Variants in ANXA6 observed in about 807,000 individuals in gnomAD.
The protein encoded by ANXA6 is 67 kDa calelectrin.
Under a neutral mutation model 95.4 loss-of-function variants are expected in ANXA6, and 71 were observed. The observed-to-expected ratio is 0.74, with a 90% CI of 0.61 to 0.91. The LOEUF (loss-of-function observed/expected upper bound fraction) is 0.91. ANXA6 is among the 40% of genes least tolerant of loss of function. ANXA6 has a pLI of 0.00. For synonymous variants in ANXA6, 289 were observed against 315.9 expected (o/e 0.91, Z 0.90); for missense variants, 830 against 876.4 (o/e 0.95, Z 0.67).
intron 14 of ANXA6, 67 bp downstream of exon 14, chr5:151,126,335 G>A: frequency 7.1e-7 from 1 of 1,406,832 alleles, no homozygotes; most frequent in African/African-American, 1.4e-5. Flanking sequence ...GCCAACCAGA[G>A]CAGCAGGAAG....
chr5:151,137,000 ATC>A (rs1248762864), intron 6 of ANXA6, among the ~76,000 whole-genome samples: 4 of 152,178 alleles, frequency 2.6e-5, no homozygotes, highest in African/African-American at 9.7e-5. Flanking sequence ...CTCCTTCATT[ATC>A]TCATTATCTC....
intron 2 of ANXA6, among the ~76,000 whole-genome samples, chr5:151,145,524 G>T (rs1048043877): frequency 6.6e-6 from 1 of 152,172 alleles, no homozygotes; most frequent in Admixed American, 6.5e-5. Context: ...TCCAAAAGGA[G>T]AGATAGGGAG....
chr5:151,130,914 T>C (rs1765493027), intron 11 of ANXA6, among the ~76,000 whole-genome samples: 1 of 152,246 alleles, frequency 6.6e-6, no homozygotes. Flanking sequence ...CTTGCCTACA[T>C]ACGCTGTATA....
In ANXA6 at chr5:151,117,740, G is replaced by A. The variant is rs1765043032; in HGVS notation, c.1518+18C>T. 7.5e-6 allele frequency: 12 copies of A among 1,610,374 alleles called. No individual in the cohort carries two copies. The highest frequency in any genetic ancestry group is 2.2e-5 in the South Asian group (2 of 90,756). ...CTCCCGATGGGCAAGCCGACCTGGG[G>A]CCCATGAATTCACTCACCGTGGCCA... On this transcript the variant is annotated intron_variant, in intron 19 of 25. Transcript: ENST00000354546.
Position 151,109,863 on chromosome 5 carries a change from G to A in ANXA6, c.1591-17C>T. 2 of 1,564,192 alleles carry A rather than the reference G, an allele frequency of 1.3e-6. No individual in the cohort carries two copies. The highest frequency in any genetic ancestry group is 8.7e-7 in the Non-Finnish European group (1 of 1,144,976). On this transcript the variant is annotated splice_polypyrimidine_tract_variant and intron_variant, in intron 21 of 25. Transcript: ENST00000354546. ...TGCTATTTCCTGCAGAGCCCCAGTT[G>A]GAGCAAGGATTTGGGAGGGGAGACA...
At chr5:151,137,963 C>G (rs1004353836) in intron 5 of ANXA6, among the ~76,000 whole-genome samples, 1 of 152,172 alleles carries the variant, frequency 6.6e-6, no homozygotes, top group African/African-American at 2.4e-5. Flanking sequence ...TCTTTTTGGG[C>G]CTCAGTTTTC....
chr5:151,111,029 A>C (rs1440639685), intron 20 of ANXA6, among the ~76,000 whole-genome samples: 2 of 152,152 alleles, frequency 1.3e-5, no homozygotes, highest in Non-Finnish European at 2.9e-5. Context: ...AGAACCACTG[A>C]GATGTAAATG....
At chr5:151,133,386 C>T (rs1397410329) in intron 8 of ANXA6, 199 bp from the exon 9 acceptor site, 1 of 553,148 alleles carries the variant, frequency 1.8e-6, no homozygotes, top group East Asian at 3.0e-5. Flanking sequence ...GGCGACTTTG[C>T]CATTGTGTGA....
At chr5:151,134,522 C>T (rs1367063363) in intron 7 of ANXA6, 39 bp from the exon 8 acceptor site, 1 of 1,610,808 alleles carries the variant, frequency 6.2e-7, no homozygotes, top group Admixed American at 1.7e-5. Context: ...TCAAACACTG[C>T]AAAGTCAGGA....
At chr5:151,144,949 G>A (rs1351632056) in intron 2 of ANXA6, among the ~76,000 whole-genome samples, 5 of 152,072 alleles carry the variant, frequency 3.3e-5, no homozygotes, top group Non-Finnish European at 7.4e-5. Flanking sequence ...TTCCCACCGT[G>A]TCATTCTCAC....
intron 12 of ANXA6, among the ~76,000 whole-genome samples, chr5:151,128,833 C>T (rs1328665628): frequency 6.6e-6 from 1 of 151,652 alleles, no homozygotes; most frequent in African/African-American, 2.4e-5. Flanking sequence ...CTTATTTTCC[C>T]ATAGAACATT....
chr5:151,132,516 C>T lies in ANXA6; in HGVS notation c.696G>A (p.Gly232=), dbSNP rs937887243. The change falls in exon 10 of 26, where the codon GGG becomes GGA. Residue 232 remains glycine (G), a synonymous_variant. Transcript: ENST00000354546. ...GCTTCTCAAAGTCCCCAGACAGCTC[C>T]CCTCGGATGCTGGCTTCAATCGGCT... ...TGKPIEASIR[G]ELSGDFEKLM... 32 of 1,613,352 alleles carry T rather than the reference C, an allele frequency of 2.0e-5. No individual in the cohort carries two copies. Among genetic ancestry groups the T allele is most frequent in the Non-Finnish European group, 2.6e-5 (31 of 1,179,764 alleles).
At chr5:151,128,094 A>G (rs1359078664) in intron 13 of ANXA6, 87 bp downstream of exon 13, 45 of 1,176,506 alleles carry the variant, frequency 3.8e-5, no homozygotes, top group Non-Finnish European at 5.3e-5. Flanking sequence ...AGCTCATCCA[A>G]TCCACCCATC....
intron 1 of ANXA6, among the ~76,000 whole-genome samples, chr5:151,154,466 A>G (rs1766185606): frequency 6.6e-6 from 1 of 152,130 alleles, no homozygotes; most frequent in Non-Finnish European, 1.5e-5. Flanking sequence ...CCCCCAAAAG[A>G]TCATCTTCAG....
intron 18 of ANXA6, among the ~76,000 whole-genome samples, chr5:151,118,093 G>A (rs374647326): frequency 1.8e-4 from 27 of 151,980 alleles, no homozygotes; most frequent in East Asian, 5.8e-4. Flanking sequence ...ATTGCATCTC[G>A]CCTTTAATAT....
intron 1 of ANXA6, among the ~76,000 whole-genome samples, chr5:151,149,118 C>T (rs113150357): frequency 0.021 from 2,932 of 141,366 alleles, 91 homozygotes; most frequent in African/African-American, 0.073. Context: ...GAGGTGGAGG[C>T]TGCAGTGAGC....
rs147776825 is a variant in ANXA6 at position 151,152,655 on chromosome 5, A to C, written c.-25-4729T>G. Among the ~76,000 whole-genome samples the C allele has an allele frequency of 8.0e-4, 122 of 152,346 alleles. No individual in the cohort carries two copies. In the East Asian group the frequency reaches 0.023, roughly 28 times the overall value. ...GTATGACAATCCACTGGGGTGCAGG[A>C]CAAGAGTATCACCACTTTCCAAATG... On this transcript the variant is annotated intron_variant, in intron 1 of 25. Transcript: ENST00000354546.
intron 24 of ANXA6, 146 bp from the exon 25 acceptor site, chr5:151,103,838 C>T (rs1374039899): frequency 3.9e-6 from 4 of 1,036,368 alleles, no homozygotes; most frequent in Admixed American, 3.3e-5. Context: ...TGCAAACAGT[C>T]CTGACCAAAA....
chr5:151,103,792 T>G, intron 24 of ANXA6, 100 bp from the exon 25 acceptor site: 1 of 1,367,470 alleles, frequency 7.3e-7, no homozygotes, highest in Non-Finnish European at 9.6e-7. Context: ...CCCTTGTTCC[T>G]TCCAAAAACA....
Sources: gnomAD v4.1 joint callset for allele counts (sites outside exome capture counted in the v4.1 genomes callset) on GRCh38, gnomAD v4.1.1 for gene constraint, MANE v1.5 for transcripts, NCBI Gene and HGNC (gene_info 2026-07-23, HGNC 2026-07-21) for gene names.